ZNF653: variants seen among roughly 807,000 people sequenced by gnomAD.
ZNF653 encodes the protein zinc finger protein 653.
A neutral mutation model predicts 59.9 loss-of-function variants in ZNF653; 37 were observed. The ratio of observed to expected loss-of-function variants is 0.62; its 90% CI spans 0.48 to 0.81. The LOEUF (loss-of-function observed/expected upper bound fraction) is 0.81, where lower values mean the gene tolerates loss of function less well. Ranked by LOEUF, ZNF653 falls within the 40% of genes least tolerant of loss-of-function variation. The pLI, the probability that ZNF653 is intolerant of heterozygous loss-of-function variation, is 0.00. For synonymous variants in ZNF653, 435 were observed against 371.8 expected, an observed-to-expected ratio of 1.17 and a Z score of -1.96; for missense variants, 808 against 881.1, an observed-to-expected ratio of 0.92 and a Z score of 1.05.
At chr19:11,494,258 GTT>G (rs1971558439) in intron 3 of ZNF653, among the ~76,000 whole-genome samples, 1 of 151,042 alleles carries the variant, frequency 6.6e-6, no homozygotes, top group Admixed American at 6.6e-5. Context: ...GGAGGCAGAG[GTT>G]GCAGTGAGCC....
At chr19:11,486,551 C>CTAAGTGCT in intron 6 of ZNF653, among the ~76,000 whole-genome samples, 1 of 152,256 alleles carries the variant, frequency 6.6e-6, no homozygotes, top group African/African-American at 2.4e-5. Context: ...CTGGCTTGCA[C>CTAAGTGCT]TAAGTGCTTA....
intron 1 of ZNF653, among the ~76,000 whole-genome samples, chr19:11,503,669 G>A (rs1971670501): frequency 6.6e-6 from 1 of 152,040 alleles, no homozygotes; most frequent in South Asian, 2.1e-4. Context: ...TTAGCCAGGT[G>A]AGGTGGCTCC....
In ZNF653 at chr19:11,487,225, C is replaced by T; in HGVS notation, c.1171+67G>A. The stretch of plus-strand genomic sequence containing the variant: ...CTGCCGAGGTGCCCACTTCGAGGGC[C>T]ATTCCTCGCCCGGCCCCTCCCAGGC... On this transcript the variant is annotated intron_variant, in intron 4 of 8. Coordinates refer to ENST00000293771, the MANE Select transcript of ZNF653 (RefSeq NM_138783.4). This position sits in a 1 kb window ranked among gnomAD's most constrained non-coding sequence, Gnocchi z 5.1. The T allele has an allele frequency of 1.9e-6, 3 of 1,598,990 alleles. 1 individual carries two copies.
Position 11,487,612 on chromosome 19 carries a change from T to G in ZNF653, c.851A>C (p.Gln284Pro), listed in dbSNP as rs899227706. 1.2e-6 allele frequency: 2 copies of G among 1,613,740 alleles called. No homozygotes were observed. Among genetic ancestry groups the G allele is most frequent in the Non-Finnish European group, 1.7e-6 (2 of 1,179,986 alleles). ...GAGGGCGCTGGGGCCCGCACCCACT[T>G]GCACAGGCACCGGCACGCACACCAC... ...ETVVCVPVPV[Q>P]VGAGPSALFE... is the part of the protein sequence containing the mutation. Residue 284 changes from glutamine (Q) to proline (P), a missense_variant, in exon 4 of 9, where the codon CAA (glutamine) becomes CCA (proline). Physicochemically the swap from Gln to Pro is moderately conservative, Grantham distance 76. Coordinates refer to ENST00000293771, the MANE Select transcript of ZNF653 (RefSeq NM_138783.4). This position sits in a 1 kb window ranked among gnomAD's most constrained non-coding sequence, Gnocchi z 5.1.
chr19:11,489,385 A>G (rs1971507254), intron 3 of ZNF653, among the ~76,000 whole-genome samples: 1 of 152,136 alleles, frequency 6.6e-6, no homozygotes, highest in South Asian at 2.1e-4. Context: ...TTTTTAGTAG[A>G]GACGGGATTC....
At chr19:11,492,380 C>T (rs1971538582) in intron 3 of ZNF653, among the ~76,000 whole-genome samples, 1 of 151,928 alleles carries the variant, frequency 6.6e-6, no homozygotes. Context: ...GACAGTGTCT[C>T]CCTCTGTCAC....
At chr19:11,501,481 CCTT>C (rs750340900) in intron 1 of ZNF653, among the ~76,000 whole-genome samples, 3 of 151,898 alleles carry the variant, frequency 2.0e-5, no homozygotes, top group South Asian at 2.1e-4. Context: ...CACCCAGCCT[CCTT>C]CTTCATTTCC....
rs1206463399 is a variant in ZNF653 at position 11,483,632 on chromosome 19, C to T, written c.*50G>A. ...CTGTCCAGGCCCCGGCAAGCCCGGGCGTGGTGTCCGAGCGGACGAATAAAT... is the reference window on the plus strand; with the variant it reads ...CTGTCCAGGCCCCGGCAAGCCCGGGTGTGGTGTCCGAGCGGACGAATAAAT... On this transcript the variant is annotated 3_prime_UTR_variant, in exon 9 of 9. Coordinates refer to ENST00000293771, the MANE Select transcript of ZNF653 (RefSeq NM_138783.4). 6.3e-7 allele frequency: 1 copy of T among 1,585,778 alleles called. No homozygotes were observed. Among genetic ancestry groups the T allele is most frequent in the Non-Finnish European group, 8.6e-7 (1 of 1,160,038 alleles).
chr19:11,485,786 G>A lies in ZNF653; in HGVS notation c.1456-16C>T. The A allele has an allele frequency of 1.9e-6, 3 of 1,600,146 alleles. No individual in the cohort carries two copies. Among genetic ancestry groups the A allele is most frequent in the Admixed American group, 1.7e-5 (1 of 59,960 alleles). On this transcript the variant is annotated splice_polypyrimidine_tract_variant and intron_variant, in intron 6 of 8. Coordinates refer to ENST00000293771, the MANE Select transcript of ZNF653 (RefSeq NM_138783.4). ...TGACGTGGTTCTGGAGACGAGACAG[G>A]CAGAAGTGGGTCCCATAGGCCCACA...
At chr19:11,500,205 G>T (rs1386395380) in intron 1 of ZNF653, among the ~76,000 whole-genome samples, 4 of 152,054 alleles carry the variant, frequency 2.6e-5, no homozygotes, top group African/African-American at 9.7e-5. Flanking sequence ...CTGCACCTTG[G>T]GGATCTTCCA....
Position 11,485,764 on chromosome 19 carries a change from C to T in ZNF653, c.1462G>A (p.Val488Ile), listed in dbSNP as rs371788010. The stretch of plus-strand genomic sequence containing the variant: ...TTTCCTTTCCGATGCACAAGATTGA[C>T]GTGGTTCTGGAGACGAGACAGGCAG... The part of the protein sequence containing the change: ...YVALSSFQNH[V>I]NLVHRKGKTK... The change falls in exon 7 of 9, where the codon GTC becomes ATC. Residue 488 changes from valine to isoleucine, a missense_variant. By Grantham distance (29) the Val-to-Ile change is conservative. Coordinates refer to ENST00000293771, the MANE Select transcript of ZNF653 (RefSeq NM_138783.4). The T allele has an allele frequency of 1.1e-4, 178 of 1,613,386 alleles. No homozygotes were observed. The highest frequency in any genetic ancestry group is 1.6e-4 in the Middle Eastern group (1 of 6,082).
At position 11,486,885 on chromosome 19, in the gene ZNF653, A is replaced by T; in HGVS notation, c.1344-5T>A. ...GACCGCTTGCTCCGCCGCCTCCTGGAGGGGAAGGGGCCATGACATCGGGGC... is the reference window on the plus strand; with the variant it reads ...GACCGCTTGCTCCGCCGCCTCCTGGTGGGGAAGGGGCCATGACATCGGGGC... On this transcript the variant is annotated splice_polypyrimidine_tract_variant and splice_region_variant and intron_variant, in intron 5 of 8. Transcript: ENST00000293771. The T allele has an allele frequency of 6.2e-7, 1 of 1,610,838 alleles. No homozygotes were observed. Among genetic ancestry groups the T allele is most frequent in the Non-Finnish European group, 8.5e-7 (1 of 1,178,610 alleles).
In ZNF653 at chr19:11,487,074, G is replaced by T; in HGVS notation, c.1256C>A (p.Ala419Glu). Reference protein sequence around the residue: ...PELATTVPESAEPEAEADGEE... With the variant: ...PELATTVPESEEPEAEADGEE... ...CCCGTCCGCCTCTGCCTCAGGCTCT[G>T]CGCTCTCAGGCACCGTTGTTGCCAG... Residue 419 changes from alanine (A) to glutamate (E), a missense_variant, in exon 5 of 9, where the codon GCA (alanine) becomes GAA (glutamate). Transcript: ENST00000293771. The surrounding 1 kb of genome is among the most constrained non-coding windows in gnomAD (Gnocchi z 5.1). The T allele has an allele frequency of 1.9e-6, 3 of 1,614,054 alleles. No individual in the cohort carries two copies. Among genetic ancestry groups the T allele is most frequent in the Non-Finnish European group, 2.5e-6 (3 of 1,180,014 alleles).
At chr19:11,489,896 C>T (rs55810561) in intron 3 of ZNF653, among the ~76,000 whole-genome samples, 199 of 152,290 alleles carry the variant, frequency 1.3e-3, no homozygotes, top group African/African-American at 4.6e-3. Flanking sequence ...CTCTCCTCAG[C>T]GCTCACCTTA....
intron 3 of ZNF653, among the ~76,000 whole-genome samples, chr19:11,490,397 GTTTT>G (rs1327690216): frequency 6.6e-5 from 10 of 151,994 alleles, no homozygotes; most frequent in Non-Finnish European, 1.2e-4. Context: ...GTTGTTGTTT[GTTTT>G]TTTGAGACAG....
intron 1 of ZNF653, chr19:11,505,256 C>A: frequency 2.2e-6 from 1 of 452,266 alleles, no homozygotes; most frequent in Non-Finnish European, 3.8e-6. Context: ...GCTCAGAAGG[C>A]GGGTCGAGGG....
chr19:11,501,125 G>T (rs1971639180), intron 1 of ZNF653, among the ~76,000 whole-genome samples: 1 of 151,460 alleles, frequency 6.6e-6, no homozygotes, highest in Non-Finnish European at 1.5e-5. Context: ...TCCCATCTTG[G>T]GTTAAAATCA....
Position 11,483,844 on chromosome 19 carries a change from G to A in ZNF653, c.1686C>T (p.Gly562=), listed in dbSNP as rs750476043. The part of the protein sequence containing the change: ...GETPLQCEIC[G]YQCRQRASLN... ...GCGACGCGCGCTGCCGGCACTGGTA[G>A]CCACAGATCTCGCACCTGCCGGGAG... Residue 562 remains glycine (G), a synonymous_variant, in exon 9 of 9, where the codon GGC becomes GGT. Transcript: ENST00000293771. The A allele has an allele frequency of 4.9e-6, 7 of 1,435,276 alleles. No individual in the cohort carries two copies. Among genetic ancestry groups the A allele is most frequent in the African/African-American group, 1.5e-5 (1 of 68,848 alleles). The allele number at this position is 1,435,276 out of a possible 1,614,324, so 88.9% of individuals were successfully genotyped here. A position where few individuals can be genotyped will look rare whatever the true frequency, so the allele number is the denominator to read the frequency against.
At chr19:11,497,222 T>C (rs1344313301) in intron 2 of ZNF653, among the ~76,000 whole-genome samples, 1 of 152,254 alleles carries the variant, frequency 6.6e-6, no homozygotes, top group Non-Finnish European at 1.5e-5. Context: ...CCTGTCTGTC[T>C]CTCCCACCAG....
Sources: gnomAD v4.1 joint callset for allele counts (sites outside exome capture counted in the v4.1 genomes callset) on GRCh38, gnomAD v4.1.1 for gene constraint, Gnocchi (gnomAD v3.1) non-coding constraint, MANE v1.5 for transcripts, NCBI Gene and HGNC (gene_info 2026-07-23, HGNC 2026-07-21) for gene names.